The following ENPP2 variants were observed in gnomAD, a reference collection of about 807,000 sequenced individuals.
The protein encoded by ENPP2 is autotaxin.
ENPP2 carries 51 observed loss-of-function variants against 120.2 expected under a neutral mutation model. That is an observed-to-expected ratio of 0.42 (90% CI 0.34 to 0.54). The LOEUF is 0.54. ENPP2 is among the 20% of genes least tolerant of loss of function. The pLI, the probability that ENPP2 is intolerant of heterozygous loss-of-function variation, is 0.04. For synonymous variants in ENPP2, 365 were observed against 366.4 expected (o/e 1.00, Z 0.04); for missense variants, 920 against 1,066.5 (o/e 0.86, Z 1.91).
At chr8:119,647,170 T>C (rs757566379) in intron 1 of ENPP2, among the ~76,000 whole-genome samples, 19 of 152,080 alleles carry the variant, frequency 1.2e-4, no homozygotes, top group Non-Finnish European at 1.2e-4. Context: ...CTGATTTTTG[T>C]ATTTTTAGTA....
At chr8:119,626,031 T>C (rs576275278) in intron 3 of ENPP2, among the ~76,000 whole-genome samples, 5 of 151,728 alleles carry the variant, frequency 3.3e-5, no homozygotes, top group African/African-American at 1.2e-4. Context: ...TGCTAGAAGC[T>C]GGGAAAGCAA....
chr8:119,611,625 A>C (rs1465905474), intron 8 of ENPP2, among the ~76,000 whole-genome samples: 1 of 152,226 alleles, frequency 6.6e-6, no homozygotes, highest in Non-Finnish European at 1.5e-5. Context: ...CCGAAACACA[A>C]TAGCGGAGCC....
At chr8:119,605,203 C>A (rs1291765113) in intron 9 of ENPP2, among the ~76,000 whole-genome samples, 1 of 152,046 alleles carries the variant, frequency 6.6e-6, no homozygotes, top group African/African-American at 2.4e-5. Context: ...TCCCAAGTAG[C>A]TGGGACTATA....
rs58061193 is a variant in ENPP2, at chr8:119,590,995, T to TA, written c.1082-366dup. ...GTCTTTATGAAAAAGATCTATTCTT[T>TA]AAAAAAAAAAAAAAAAAAAAACCCT... On this transcript the variant is annotated intron_variant, in intron 12 of 24. Transcript: ENST00000075322. Among the ~76,000 whole-genome samples the TA allele has an allele frequency of 6.8e-3, 743 of 109,942 alleles. 9 individuals are homozygous for TA. The highest frequency in any genetic ancestry group is 0.054 in the East Asian group (197 of 3,636). The allele number at this position is 109,942 out of a possible 152,430, so 72.1% of individuals were successfully genotyped here.
intron 1 of ENPP2, among the ~76,000 whole-genome samples, chr8:119,664,972 A>G (rs1460218740): frequency 6.6e-6 from 1 of 152,164 alleles, no homozygotes; most frequent in Non-Finnish European, 1.5e-5. Context: ...TCTGAGATCA[A>G]GGTGTCGGGC....
chr8:119,634,396 A>G (rs1816874987), intron 2 of ENPP2, among the ~76,000 whole-genome samples: 1 of 152,192 alleles, frequency 6.6e-6, no homozygotes, highest in African/African-American at 2.4e-5. Context: ...CTGCTACCAA[A>G]CAATAAAATG....
chr8:119,572,175 C>A, intron 19 of ENPP2: 2 of 1,549,396 alleles, frequency 1.3e-6, no homozygotes. Context: ...TCAAACCAAA[C>A]CTTTTCTAGG....
chr8:119,578,091 C>T (rs1462287141), intron 19 of ENPP2, among the ~76,000 whole-genome samples: 1 of 152,122 alleles, frequency 6.6e-6, no homozygotes, highest in Non-Finnish European at 1.5e-5. Context: ...CGCTCTGTCG[C>T]CCAGGTTGCA....
chr8:119,574,059 A>G (rs1362254444), intron 19 of ENPP2, among the ~76,000 whole-genome samples: 1 of 152,210 alleles, frequency 6.6e-6, no homozygotes, highest in Non-Finnish European at 1.5e-5. Context: ...TAACAGTTTC[A>G]TCTAAGAAAG....
intron 1 of ENPP2, among the ~76,000 whole-genome samples, chr8:119,647,105 C>T (rs1263353415): frequency 6.6e-6 from 1 of 151,470 alleles, no homozygotes; most frequent in African/African-American, 2.4e-5. Flanking sequence ...TCAAGCAATT[C>T]TCTGCCTCAG....
intron 2 of ENPP2, among the ~76,000 whole-genome samples, chr8:119,631,008 C>T (rs1314949798): frequency 4.6e-5 from 7 of 150,908 alleles, no homozygotes; most frequent in African/African-American, 1.7e-4. Flanking sequence ...GATTCTCCTG[C>T]CTCAGCCTCC....
At chr8:119,660,551 GCCC>G (rs1167285183) in intron 1 of ENPP2, among the ~76,000 whole-genome samples, 1 of 152,162 alleles carries the variant, frequency 6.6e-6, no homozygotes, top group Non-Finnish European at 1.5e-5. Context: ...CAAACAACCA[GCCC>G]CTCTTGGGTC....
chr8:119,643,522 T>C (rs369102820), upstream of ENPP2, among the ~76,000 whole-genome samples: 15 of 152,352 alleles, frequency 9.8e-5, no homozygotes, highest in East Asian at 1.3e-3. Flanking sequence ...CTTTAACTTA[T>C]GGCATAAATT....
chr8:119,641,966 T>C (rs1817297365), upstream of ENPP2, among the ~76,000 whole-genome samples: 2 of 152,170 alleles, frequency 1.3e-5, no homozygotes, highest in South Asian at 4.1e-4. Flanking sequence ...GAGGATCTTA[T>C]CCACTGAGAG....
chr8:119,564,269 A>T lies in ENPP2; in HGVS notation c.2264+554T>A, dbSNP rs138089871. ...CCATTGAAGAGCTGTTGAAGAAATGACTAAACAAAATTAAATCCTTTAATA... is the reference window on the plus strand; with the variant it reads ...CCATTGAAGAGCTGTTGAAGAAATGTCTAAACAAAATTAAATCCTTTAATA... On this transcript the variant is annotated intron_variant, in intron 23 of 24. Transcript: ENST00000075322. Among the ~76,000 whole-genome samples the T allele has an allele frequency of 3.6e-3, 545 of 152,242 alleles. 6 individuals are homozygous for T. The highest frequency in any genetic ancestry group is 0.012 in the African/African-American group (517 of 41,532).
chr8:119,573,697 A>G (rs1427182492), intron 19 of ENPP2, among the ~76,000 whole-genome samples: 1 of 152,048 alleles, frequency 6.6e-6, no homozygotes, highest in African/African-American at 2.4e-5. Flanking sequence ...CTGTAATCCC[A>G]GCTACTTGGG....
At chr8:119,611,921 C>G (rs1815137104) in intron 8 of ENPP2, among the ~76,000 whole-genome samples, 1 of 152,056 alleles carries the variant, frequency 6.6e-6, no homozygotes, top group Non-Finnish European at 1.5e-5. Flanking sequence ...CCCAGCTACC[C>G]AGGAGGTAGA....
chr8:119,627,865 A>AATAT (rs59289320), intron 2 of ENPP2, among the ~76,000 whole-genome samples: 3,987 of 143,468 alleles, frequency 0.028, 79 homozygotes, highest in Non-Finnish European at 0.042. Context: ...CCGTCTTAAA[A>AATAT]ATATATATAT....
At chr8:119,575,697 C>T (rs1356421265) in intron 19 of ENPP2, among the ~76,000 whole-genome samples, 1 of 152,128 alleles carries the variant, frequency 6.6e-6, no homozygotes, top group African/African-American at 2.4e-5. Context: ...TGGAATGTTG[C>T]ACTGTTTACA....
Sources: allele counts gnomAD v4.1 joint callset (sites outside exome capture counted in the v4.1 genomes callset), GRCh38; gene constraint gnomAD v4.1.1; transcripts MANE v1.5; gene names NCBI Gene and HGNC (gene_info 2026-07-23, HGNC 2026-07-21).